SOX6: variants seen among roughly 807,000 people sequenced by gnomAD.
SOX6 encodes SRY-box transcription factor 6.
SOX6 carries 11 observed loss-of-function variants against 97.8 expected under a neutral mutation model. The ratio of observed to expected loss-of-function variants is 0.11; its 90% confidence interval spans 0.07 to 0.19. The LOEUF (loss-of-function observed/expected upper bound fraction) is 0.19, where lower values mean the gene tolerates loss of function less well. Ranked by LOEUF, SOX6 falls within the 10% of genes least tolerant of loss-of-function variation. The pLI is 1.00. For missense variants in SOX6, 810 were observed against 1,039.5 expected, an observed-to-expected ratio of 0.78 and a Z score of 3.04; for synonymous variants, 360 against 371.4, an observed-to-expected ratio of 0.97 and a Z score of 0.35.
At chr11:16,558,152 A>G (rs1002683995) in intron 4 of SOX6, among the ~76,000 whole-genome samples, 1 of 151,962 alleles carries the variant, frequency 6.6e-6, no homozygotes, top group African/African-American at 2.4e-5. Context: ...TTGGAAGAAC[A>G]TTTTCCTGAA....
At chr11:16,726,834 A>G (rs1660735614) in intron 2 of SOX6, among the ~76,000 whole-genome samples, 2 of 152,206 alleles carry the variant, frequency 1.3e-5, no homozygotes, top group Admixed American at 1.3e-4. Flanking sequence ...TCACTAGAAT[A>G]AAGAGACTAG....
At chr11:16,262,634 AT>A (rs1169691396) in intron 3 of SOX6, among the ~76,000 whole-genome samples, 1 of 152,064 alleles carries the variant, frequency 6.6e-6, no homozygotes, top group Non-Finnish European at 1.5e-5. Context: ...TAGAGAGTGC[AT>A]TTGCCAGATA....
At chr11:16,055,260 C>T (rs1482564019) in intron 10 of SOX6, among the ~76,000 whole-genome samples, 1 of 151,778 alleles carries the variant, frequency 6.6e-6, no homozygotes, top group Non-Finnish European at 1.5e-5. Context: ...TACTTTAAGT[C>T]CACATTTATA....
intron 2 of SOX6, among the ~76,000 whole-genome samples, chr11:16,325,280 T>C (rs371270961): frequency 4.6e-5 from 7 of 152,142 alleles, no homozygotes; most frequent in South Asian, 2.1e-4. Context: ...ATTTAGAATA[T>C]AACACCAATT....
intron 13 of SOX6, among the ~76,000 whole-genome samples, chr11:15,999,728 C>T (rs1370373884): frequency 6.6e-6 from 1 of 151,974 alleles, no homozygotes; most frequent in Non-Finnish European, 1.5e-5. Flanking sequence ...TAATTGATTG[C>T]TTATGAAGAG....
At chr11:16,569,375 C>T (rs1847912343) in intron 4 of SOX6, among the ~76,000 whole-genome samples, 1 of 152,078 alleles carries the variant, frequency 6.6e-6, no homozygotes, top group South Asian at 2.1e-4. Flanking sequence ...AAATATCAAC[C>T]ACAAAATTAT....
At chr11:16,500,159 C>A (rs561780328) in intron 4 of SOX6, among the ~76,000 whole-genome samples, 3 of 152,082 alleles carry the variant, frequency 2.0e-5, no homozygotes, top group Admixed American at 1.3e-4. Context: ...GTTCAACATG[C>A]GCAAATCAAT....
intron 3 of SOX6, among the ~76,000 whole-genome samples, chr11:16,294,958 A>AT (rs1415050306): frequency 1.3e-5 from 2 of 152,026 alleles, no homozygotes; most frequent in African/African-American, 4.8e-5. Flanking sequence ...TGAAAGAGCC[A>AT]TTTTTTCTTA....
chr11:16,235,873 T>C (rs1318566452), intron 3 of SOX6, among the ~76,000 whole-genome samples: 2 of 152,006 alleles, frequency 1.3e-5, no homozygotes, highest in African/African-American at 2.4e-5. Context: ...CACTGCATGG[T>C]TAGAAAGTAT....
intron 6 of SOX6, among the ~76,000 whole-genome samples, chr11:16,154,391 T>A (rs1850543413): frequency 6.6e-6 from 1 of 152,154 alleles, no homozygotes; most frequent in African/African-American, 2.4e-5. Context: ...TTTTATGTAA[T>A]TTTTCCTTTA....
intron 13 of SOX6, among the ~76,000 whole-genome samples, chr11:15,998,114 A>G (rs1854286285): frequency 6.6e-6 from 1 of 151,210 alleles, no homozygotes; most frequent in Admixed American, 6.6e-5. Flanking sequence ...AATAAAATAA[A>G]ATAAAAAATA....
intron 3 of SOX6, among the ~76,000 whole-genome samples, chr11:16,240,202 G>A (rs900716402): frequency 2.0e-5 from 3 of 151,210 alleles, no homozygotes; most frequent in African/African-American, 4.9e-5. Context: ...GCCTTAAAAC[G>A]ATTTGGTCAT....
At chr11:16,287,082 G>A (rs1211782578) in intron 3 of SOX6, among the ~76,000 whole-genome samples, 1 of 151,890 alleles carries the variant, frequency 6.6e-6, no homozygotes, top group Non-Finnish European at 1.5e-5. Flanking sequence ...TGTTGCTGTT[G>A]TTAACATAGT....
chr11:16,679,311 T>C (rs540891860), intron 3 of SOX6, among the ~76,000 whole-genome samples: 82 of 152,290 alleles, frequency 5.4e-4, no homozygotes, highest in African/African-American at 1.9e-3. Context: ...CTGCTGGTGA[T>C]ACCCAGGCAA....
At chr11:16,107,071 A>C (rs1039137164) in intron 7 of SOX6, among the ~76,000 whole-genome samples, 1 of 152,052 alleles carries the variant, frequency 6.6e-6, no homozygotes, top group African/African-American at 2.4e-5. Context: ...TAATAATAAA[A>C]AAATTTAGTT....
intron 3 of SOX6, among the ~76,000 whole-genome samples, chr11:16,692,871 T>C (rs747791342): frequency 1.3e-5 from 2 of 152,218 alleles, no homozygotes; most frequent in African/African-American, 2.4e-5. Context: ...CTGCATAAAA[T>C]TGCATCATAT....
At chr11:16,693,392 A>T (rs1018853804) in intron 3 of SOX6, among the ~76,000 whole-genome samples, 3 of 152,102 alleles carry the variant, frequency 2.0e-5, no homozygotes, top group Non-Finnish European at 2.9e-5. Context: ...TATTCACTAT[A>T]TACAATCTTT....
chr11:16,625,680 A>T (rs1355504139), intron 3 of SOX6, among the ~76,000 whole-genome samples: 1 of 152,182 alleles, frequency 6.6e-6, no homozygotes, highest in Non-Finnish European at 1.5e-5. Context: ...AATTGAATTA[A>T]TAGTTCATCA....
At chr11:16,045,331 C>A (rs538083979) in intron 12 of SOX6, among the ~76,000 whole-genome samples, 1 of 152,014 alleles carries the variant, frequency 6.6e-6, no homozygotes, top group South Asian at 2.1e-4. Flanking sequence ...GGGTAGAGCC[C>A]CCATGATCAG....
Sources: gnomAD v4.1 joint callset for allele counts (sites outside exome capture counted in the v4.1 genomes callset) on GRCh38, gnomAD v4.1.1 for gene constraint, MANE v1.5 for transcripts, NCBI Gene and HGNC (gene_info 2026-07-23, HGNC 2026-07-21) for gene names.